Variants in DPP10 observed in about 807,000 individuals in gnomAD.
DPP10 encodes the protein inactive dipeptidyl peptidase 10.
DPP10 carries 33 observed loss-of-function variants against 120.9 expected under a neutral mutation model. The ratio of observed to expected loss-of-function variants is 0.27; its 90% CI spans 0.21 to 0.37. The LOEUF (loss-of-function observed/expected upper bound fraction) is 0.37, where lower values mean the gene tolerates loss of function less well. Ranked by LOEUF, DPP10 falls within the 10% of genes least tolerant of loss-of-function variation. The pLI, the probability that DPP10 is intolerant of heterozygous loss-of-function variation, is 1.00. For missense variants in DPP10, 816 were observed against 942.8 expected (o/e 0.87, Z 1.76); for synonymous variants, 337 against 326.1 (o/e 1.03, Z -0.36).
chr2:115,005,094 T>C (rs186650068), intron 1 of DPP10, among the ~76,000 whole-genome samples: 1,935 of 150,032 alleles, frequency 0.013, 46 homozygotes, highest in African/African-American at 0.045. Context: ...GGAGGCACCC[T>C]CCAGCAGGGG....
At chr2:114,786,678 C>T (rs1016798736) in intron 1 of DPP10, among the ~76,000 whole-genome samples, 1 of 152,292 alleles carries the variant, frequency 6.6e-6, no homozygotes, top group South Asian at 2.1e-4. Context: ...GTGTTTTAAT[C>T]GTATTAAAAG....
At chr2:115,188,248 T>G (rs2105204725) in intron 1 of DPP10, among the ~76,000 whole-genome samples, 1 of 152,288 alleles carries the variant, frequency 6.6e-6, no homozygotes, top group Admixed American at 6.5e-5. Context: ...TTCGTATTTT[T>G]TAGGATAAAA....
intron 1 of DPP10, among the ~76,000 whole-genome samples, chr2:115,087,538 C>CTTTTTTT (rs56685721): frequency 4.0e-5 from 4 of 99,236 alleles, no homozygotes; most frequent in African/African-American, 1.6e-4. Flanking sequence ...CTTTTCTTTT[C>CTTTTTTT]TTTTTTTTTT....
At chr2:114,992,888 C>G (rs958337476) in intron 1 of DPP10, among the ~76,000 whole-genome samples, 4 of 152,204 alleles carry the variant, frequency 2.6e-5, no homozygotes, top group Non-Finnish European at 5.9e-5. Flanking sequence ...CATATGCATA[C>G]GCTTCCATAA....
At chr2:114,805,730 G>T (rs1684667811) in intron 1 of DPP10, among the ~76,000 whole-genome samples, 1 of 152,168 alleles carries the variant, frequency 6.6e-6, no homozygotes, top group African/African-American at 2.4e-5. Flanking sequence ...AAAGTGAGTG[G>T]ATTAGCTCTC....
intron 1 of DPP10, among the ~76,000 whole-genome samples, chr2:114,742,658 A>G (rs1678178443): frequency 6.6e-6 from 1 of 152,198 alleles, no homozygotes; most frequent in Non-Finnish European, 1.5e-5. Context: ...GGTATGCAGA[A>G]ATCCATTTTG....
intron 1 of DPP10, among the ~76,000 whole-genome samples, chr2:114,813,746 G>A (rs958257748): frequency 2.0e-5 from 3 of 150,992 alleles, no homozygotes; most frequent in Non-Finnish European, 2.9e-5. Flanking sequence ...TACAGTTTTA[G>A]TGTAGGAAGG....
At chr2:115,633,577 T>TA (rs1280759242) in intron 5 of DPP10, among the ~76,000 whole-genome samples, 73 of 151,324 alleles carry the variant, frequency 4.8e-4, no homozygotes, top group African/African-American at 1.3e-3. Flanking sequence ...ACTTAAAGTA[T>TA]AAAAAAAAAG....
At chr2:115,004,542 A>G (rs1290007113) in intron 1 of DPP10, among the ~76,000 whole-genome samples, 2 of 152,316 alleles carry the variant, frequency 1.3e-5, no homozygotes, top group Admixed American at 6.5e-5. Flanking sequence ...AGGGCGAGGC[A>G]TTGCCTCACT....
At chr2:115,547,366 T>A (rs1398569171) in intron 5 of DPP10, among the ~76,000 whole-genome samples, 1 of 152,190 alleles carries the variant, frequency 6.6e-6, no homozygotes, top group Non-Finnish European at 1.5e-5. Flanking sequence ...ATGAGAGTAT[T>A]TAAGACTTCC....
chr2:114,711,504 T>G (rs1422930159), intron 1 of DPP10, among the ~76,000 whole-genome samples: 1 of 152,188 alleles, frequency 6.6e-6, no homozygotes, highest in East Asian at 1.9e-4. Flanking sequence ...TGTTTCAGGT[T>G]CCTCATCTTT....
At chr2:115,368,511 A>C (rs1242342150) in intron 3 of DPP10, among the ~76,000 whole-genome samples, 1 of 152,066 alleles carries the variant, frequency 6.6e-6, no homozygotes, top group Non-Finnish European at 1.5e-5. Context: ...TTTATTCCAC[A>C]TATTTGAAGC....
intron 1 of DPP10, among the ~76,000 whole-genome samples, chr2:115,107,569 CTAGCTAGG>C (rs1365931942): frequency 6.6e-6 from 1 of 151,154 alleles, no homozygotes; most frequent in Admixed American, 6.6e-5. Context: ...GATTAGCTAG[CTAGCTAGG>C]TAGGTAGGTA....
At chr2:115,692,088 G>A (rs767872506) in intron 7 of DPP10, among the ~76,000 whole-genome samples, 13 of 151,674 alleles carry the variant, frequency 8.6e-5, no homozygotes, top group South Asian at 6.2e-4. Context: ...TTTCTATGTC[G>A]TTAAAATCCT....
chr2:114,801,884 T>G lies in DPP10; in HGVS notation c.60+359046T>G, dbSNP rs111809875. On this transcript the variant is annotated intron_variant, in intron 1 of 25. Coordinates refer to ENST00000410059, the MANE Select transcript of DPP10 (RefSeq NM_020868.6). ...TGCTTGTTGCATAAGGACCAAAGAC[T>G]GAAATATTAATAATGGAATTGCATT... Among the ~76,000 whole-genome samples, 210 of 152,346 alleles carry G rather than the reference T, an allele frequency of 1.4e-3. 1 individual carries two copies. Among genetic ancestry groups the G allele is most frequent in the African/African-American group, 4.9e-3 (202 of 41,586 alleles).
intron 5 of DPP10, among the ~76,000 whole-genome samples, chr2:115,566,380 A>T (rs969984182): frequency 1.3e-4 from 20 of 152,078 alleles, no homozygotes; most frequent in Middle Eastern, 3.4e-3. Flanking sequence ...TTCTATGCTA[A>T]TTAATTACTG....
chr2:115,714,896 G>A (rs935394339), intron 7 of DPP10, among the ~76,000 whole-genome samples: 2 of 151,966 alleles, frequency 1.3e-5, no homozygotes, highest in African/African-American at 4.8e-5. Context: ...CAGGCATGGC[G>A]ACAGGCGCCC....
intron 7 of DPP10, among the ~76,000 whole-genome samples, chr2:115,721,426 A>G (rs1418058433): frequency 6.6e-6 from 1 of 152,218 alleles, no homozygotes; most frequent in East Asian, 1.9e-4. Context: ...ATATCATCAT[A>G]TGTATATTAT....
intron 4 of DPP10, among the ~76,000 whole-genome samples, chr2:115,511,663 A>G (rs2077228201): frequency 7.0e-6 from 1 of 142,810 alleles, no homozygotes; most frequent in Admixed American, 6.9e-5. Flanking sequence ...TAAGCTATTA[A>G]TTTGAGATAT....
Sources: gnomAD v4.1 joint callset for allele counts (sites outside exome capture counted in the v4.1 genomes callset) on GRCh38, gnomAD v4.1.1 for gene constraint, MANE v1.5 for transcripts, NCBI Gene and HGNC (gene_info 2026-07-23, HGNC 2026-07-21) for gene names.